RSRP1: variants seen among roughly 807,000 people sequenced by gnomAD.
The protein encoded by RSRP1 is arginine/serine-rich protein 1.
RSRP1 carries 37 observed loss-of-function variants against 33.0 expected under a neutral mutation model. The ratio of observed to expected loss-of-function variants is 1.12; its 90% CI spans 0.86 to 1.48. RSRP1 has a LOEUF of 1.48. RSRP1 is among the 40% of genes most tolerant of loss of function. The probability of loss-of-function intolerance (pLI) is 0.00; values close to 1 mark genes in which losing one functional copy is unlikely to be tolerated. For synonymous variants in RSRP1, 167 were observed against 158.7 expected (o/e 1.05, Z -0.40); for missense variants, 402 against 385.3 (o/e 1.04, Z -0.36).
intron 1 of RSRP1, among the ~76,000 whole-genome samples, chr1:25,334,896 A>AT (rs1411827523): frequency 1.6e-5 from 2 of 126,624 alleles, no homozygotes; most frequent in Non-Finnish European, 3.6e-5. Context: ...CAACAAAACC[A>AT]TTTTTTCCTG....
chr1:25,290,475 T>C (rs1642392488), intron 1 of RSRP1, among the ~76,000 whole-genome samples: 1 of 129,884 alleles, frequency 7.7e-6, no homozygotes, highest in Non-Finnish European at 1.8e-5. Flanking sequence ...CACTCCACTC[T>C]GCAGCATCAG....
At chr1:25,275,331 G>A (rs1276462978) in intron 1 of RSRP1, among the ~76,000 whole-genome samples, 5 of 131,930 alleles carry the variant, frequency 3.8e-5, no homozygotes, top group African/African-American at 1.3e-4. Flanking sequence ...GGAAGCAGCG[G>A]GTGGCAGACT....
rs1190934038 is a variant in RSRP1, at chr1:25,268,925, G to T, written c.-66-21896C>A. Among the ~76,000 whole-genome samples, 2 of 118,776 alleles carry T rather than the reference G, an allele frequency of 1.7e-5. 1 individual carries two copies. Among genetic ancestry groups the T allele is most frequent in the African/African-American group, 5.6e-5 (2 of 35,570 alleles). 77.9% of individuals were successfully genotyped at this position (118,776 alleles called of 152,430 possible). ...ATTGTGCCATTGCAGTCCAGCCTAG[G>T]CAACAAGAGCAAAACTTCATCTCAA... is the stretch of plus-strand genomic sequence containing the variant. On this transcript the variant is annotated intron_variant, in intron 1 of 1. Coordinates refer to the RSRP1 transcript ENST00000561867.
intron 1 of RSRP1, chr1:25,307,920 C>A: frequency 1.1e-6 from 1 of 926,306 alleles, no homozygotes. Context: ...AATAACTGTG[C>A]AATTCTAAGC....
chr1:25,292,049 T>G (rs933226024), intron 1 of RSRP1, among the ~76,000 whole-genome samples: 1 of 132,758 alleles, frequency 7.5e-6, no homozygotes, highest in African/African-American at 2.6e-5. Context: ...AATCCCTGTG[T>G]GACTCTGGGC....
At chr1:25,314,349 G>A (rs533901596) in intron 1 of RSRP1, among the ~76,000 whole-genome samples, 1 of 132,568 alleles carries the variant, frequency 7.5e-6, no homozygotes, top group African/African-American at 2.6e-5. Flanking sequence ...TATGCTTTTT[G>A]GACAGTTGAA....
chr1:25,246,434 AC>A lies in RSRP1; in HGVS notation c.520+9del, dbSNP rs1557486375. The A allele has an allele frequency of 6.2e-7, 1 of 1,611,248 alleles. No homozygotes were observed. Among genetic ancestry groups the A allele is most frequent in the Admixed American group, 1.7e-5 (1 of 59,968 alleles). On this transcript the variant is annotated intron_variant, in intron 2 of 4. Coordinates refer to ENST00000243189, the MANE Select transcript of RSRP1 (RefSeq NM_020317.5). ...ATTACCACAAATGGAAAGGTAAATG[AC>A]CCACCCACCTTTTTCACTTAAGCGA... is the stretch of plus-strand genomic sequence containing the variant.
upstream of RSRP1, among the ~76,000 whole-genome samples, chr1:25,250,326 C>T (rs982025915): frequency 2.6e-5 from 4 of 152,080 alleles, no homozygotes; most frequent in African/African-American, 9.7e-5. Flanking sequence ...TTGGAGTCAG[C>T]TTGCACTAGT....
Position 25,246,683 on chromosome 1 carries a change from C to A in RSRP1, c.281G>T (p.Arg94Leu), listed in dbSNP as rs775920913. Residue 94 changes from arginine (R) to leucine (L), a missense_variant, in exon 2 of 5, where the codon CGA (arginine) becomes CTA (leucine). Coordinates refer to ENST00000243189, the MANE Select transcript of RSRP1 (RefSeq NM_020317.5). ...SRSRSRSRRY[R>L]ERRYGFTRRY... ...CCTGGTGAACCCGTAGCGCCTCTCTCGGTAACGGCGGCTGCGGGATCGCGA... is the reference window on the plus strand; with the variant it reads ...CCTGGTGAACCCGTAGCGCCTCTCTAGGTAACGGCGGCTGCGGGATCGCGA... The A allele has an allele frequency of 3.1e-6, 5 of 1,608,756 alleles. No individual in the cohort carries two copies. Among genetic ancestry groups the A allele is most frequent in the Admixed American group, 3.3e-5 (2 of 59,954 alleles).
At chr1:25,242,872 G>A (rs1169840443) in intron 4 of RSRP1, among the ~76,000 whole-genome samples, 167 bp from the exon 5 acceptor site, 2 of 152,136 alleles carry the variant, frequency 1.3e-5, no homozygotes, top group Admixed American at 6.6e-5. Context: ...TGACACGGGC[G>A]GATCACGAGG....
At chr1:25,299,458 T>C (rs1262428819) in intron 1 of RSRP1, among the ~76,000 whole-genome samples, 4 of 131,046 alleles carry the variant, frequency 3.1e-5, no homozygotes, top group Non-Finnish European at 7.2e-5. Flanking sequence ...AGACACCCTC[T>C]ACAGACAAGG....
At chr1:25,252,309 G>A (rs1639811638), upstream of RSRP1, among the ~76,000 whole-genome samples, 1 of 151,938 alleles carries the variant, frequency 6.6e-6, no homozygotes, top group South Asian at 2.1e-4. Context: ...ACACATAAGT[G>A]CAGATTGTAA....
At chr1:25,332,307 G>A (rs2124206693) in intron 1 of RSRP1, among the ~76,000 whole-genome samples, 1 of 131,196 alleles carries the variant, frequency 7.6e-6, no homozygotes, top group East Asian at 2.0e-4. Flanking sequence ...AAAGTGCTGG[G>A]ATTACAGGTG....
Position 25,335,818 on chromosome 1 carries a change from CAG to C in RSRP1, c.-67+2158_-67+2159del, listed in dbSNP as rs1379217577. ...CACACTTGTTTTTTTTTTTTTGAGACAGAGTCTCACCTGTTGCCTAGACTAGA... is the reference window on the plus strand; with the variant it reads ...CACACTTGTTTTTTTTTTTTTGAGACAGTCTCACCTGTTGCCTAGACTAGA... On this transcript the variant is annotated intron_variant, in intron 1 of 1. Coordinates refer to the RSRP1 transcript ENST00000561867. 8.6e-5 allele frequency: 8 copies of C among 93,536 alleles called. 3 individuals are homozygous for C. The highest frequency in any genetic ancestry group is 4.9e-4 in the East Asian group (2 of 4,054). The allele number at this position is 93,536 out of a possible 1,614,324, so 5.8% of individuals were successfully genotyped here. A position where few individuals can be genotyped will look rare whatever the true frequency, so the allele number is the denominator to read the frequency against.
chr1:25,331,443 T>C (rs970036596), intron 1 of RSRP1, among the ~76,000 whole-genome samples: 1 of 132,600 alleles, frequency 7.5e-6, no homozygotes, highest in Non-Finnish European at 1.8e-5. Context: ...CAGTAGTCAT[T>C]AATGGACAAT....
At position 25,282,760 on chromosome 1, in the gene RSRP1, C is replaced by T. The variant is rs181099172; in HGVS notation, c.-66-35731G>A. On this transcript the variant is annotated intron_variant, in intron 1 of 1. Transcript: ENST00000561867. ...GCCAAAAATTAGCCAGGCGTGGTGG[C>T]GCGCGCCTGTGGTTCCCACTGAAGC... Among the ~76,000 whole-genome samples, 101 of 129,882 alleles carry T rather than the reference C, an allele frequency of 7.8e-4. 24 individuals are homozygous for T. Among genetic ancestry groups the T allele is most frequent in the South Asian group, 2.4e-3 (10 of 4,248 alleles). 85.2% of individuals were successfully genotyped at this position (129,882 alleles called of 152,430 possible).
rs17421158 is a variant in RSRP1 at position 25,301,003 on chromosome 1, T to A, written c.-67+36975A>T. ...CGTGTTCGCAGCCTATTTTGGGCTG[T>A]CTGTGGCCTGGTGCCTGCCAAAGCC... is the stretch of plus-strand genomic sequence containing the variant. On this transcript the variant is annotated intron_variant, in intron 1 of 1. Transcript: ENST00000561867. 66 of 1,375,900 alleles carry A rather than the reference T, an allele frequency of 4.8e-5. 17 individuals carry two copies. The highest frequency in any genetic ancestry group is 3.6e-4 in the Middle Eastern group (2 of 5,512). 85.2% of individuals were successfully genotyped at this position (1,375,900 alleles called of 1,614,324 possible). A position where few individuals can be genotyped will look rare whatever the true frequency, so the allele number is the denominator to read the frequency against.
At chr1:25,269,956 G>C (rs1640443520) in intron 1 of RSRP1, among the ~76,000 whole-genome samples, 1 of 131,842 alleles carries the variant, frequency 7.6e-6, no homozygotes, top group South Asian at 2.3e-4. Context: ...GGTTGGCATT[G>C]CCTGGACATC....
rs555611450 is a variant in RSRP1 at position 25,282,892 on chromosome 1, C to T, written c.-66-35863G>A. ...CCTGGGCAACAGAGAGACTCTGTCT[C>T]GAAAAAAAAAAATTGTCTACATGCT... On this transcript the variant is annotated intron_variant, in intron 1 of 1. Transcript: ENST00000561867. Among the ~76,000 whole-genome samples the T allele has an allele frequency of 4.0e-5, 5 of 125,706 alleles. 2 individuals are homozygous for T. The highest frequency in any genetic ancestry group is 7.7e-5 in the Admixed American group (1 of 12,934). The allele number at this position is 125,706 out of a possible 152,430, so 82.5% of individuals were successfully genotyped here.
Sources: allele counts gnomAD v4.1 joint callset (sites outside exome capture counted in the v4.1 genomes callset), GRCh38; gene constraint gnomAD v4.1.1; transcripts MANE v1.5; gene names NCBI Gene and HGNC (gene_info 2026-07-23, HGNC 2026-07-21).